Variants in FOXP2 observed in about 807,000 individuals in gnomAD.
The protein encoded by FOXP2 is forkhead box protein P2.
Under a neutral mutation model 115.8 loss-of-function variants are expected in FOXP2, and 12 were observed. The observed-to-expected ratio is 0.10, with a 90% CI of 0.07 to 0.17. The LOEUF (loss-of-function observed/expected upper bound fraction) is 0.17. Ranked by LOEUF, FOXP2 falls within the 10% of genes least tolerant of loss-of-function variation. The pLI is 1.00. For missense variants in FOXP2, 629 were observed against 843.5 expected, an observed-to-expected ratio of 0.75 and a Z score of 3.15; for synonymous variants, 328 against 297.7, an observed-to-expected ratio of 1.10 and a Z score of -1.05.
At chr7:114,088,691 G>A (rs1414246565) in intron 1 of FOXP2, among the ~76,000 whole-genome samples, 1 of 152,198 alleles carries the variant, frequency 6.6e-6, no homozygotes, top group Admixed American at 6.5e-5. Flanking sequence ...TTGCATTGTG[G>A]CATACCTTGG....
intron 2 of FOXP2, among the ~76,000 whole-genome samples, chr7:114,510,527 A>G (rs989858550): frequency 2.0e-5 from 3 of 152,194 alleles, no homozygotes; most frequent in Admixed American, 2.0e-4. Flanking sequence ...GTAACTTACA[A>G]GGTTGATTTT....
At chr7:114,273,827 A>G (rs1225508492) in intron 1 of FOXP2, among the ~76,000 whole-genome samples, 1 of 152,002 alleles carries the variant, frequency 6.6e-6, no homozygotes, top group Non-Finnish European at 1.5e-5. Flanking sequence ...ATGTGTCTTT[A>G]TATTTATTTA....
intron 3 of FOXP2, among the ~76,000 whole-genome samples, chr7:114,601,257 C>T (rs768066253): frequency 5.3e-5 from 8 of 152,124 alleles, no homozygotes; most frequent in Non-Finnish European, 1.2e-4. Context: ...TGAGCCACCA[C>T]ACTTGGCCTC....
chr7:114,192,761 A>G (rs1793794806), intron 1 of FOXP2, among the ~76,000 whole-genome samples: 1 of 152,204 alleles, frequency 6.6e-6, no homozygotes, highest in South Asian at 2.1e-4. Flanking sequence ...TGGCCCTAAC[A>G]TTTATAGAAG....
chr7:114,156,778 A>C (rs772965354), intron 1 of FOXP2, among the ~76,000 whole-genome samples: 2 of 152,118 alleles, frequency 1.3e-5, no homozygotes, highest in Non-Finnish European at 2.9e-5. Flanking sequence ...TACTTTTCAT[A>C]TTGTATGTAG....
At chr7:114,675,557 T>G (rs945517849) in intron 16 of FOXP2, among the ~76,000 whole-genome samples, 1 of 152,164 alleles carries the variant, frequency 6.6e-6, no homozygotes, top group Non-Finnish European at 1.5e-5. Context: ...GAATGAAAAT[T>G]TATTCAATCA....
intron 3 of FOXP2, among the ~76,000 whole-genome samples, chr7:114,554,749 T>A (rs1292371158): frequency 6.6e-6 from 1 of 152,206 alleles, no homozygotes; most frequent in African/African-American, 2.4e-5. Context: ...AGAAATTGCA[T>A]TACATTTATT....
At chr7:114,214,771 G>A (rs1031989995) in intron 1 of FOXP2, among the ~76,000 whole-genome samples, 2 of 151,980 alleles carry the variant, frequency 1.3e-5, no homozygotes, top group African/African-American at 4.8e-5. Flanking sequence ...CATAACTCTG[G>A]GCTCAGTATG....
At chr7:114,382,049 C>T (rs1792318190) in intron 2 of FOXP2, among the ~76,000 whole-genome samples, 1 of 152,116 alleles carries the variant, frequency 6.6e-6, no homozygotes, top group East Asian at 1.9e-4. Flanking sequence ...AATGTCTCTC[C>T]CTAACAAGAG....
chr7:114,166,581 T>C (rs1792988976), intron 1 of FOXP2, among the ~76,000 whole-genome samples: 1 of 152,276 alleles, frequency 6.6e-6, no homozygotes, highest in South Asian at 2.1e-4. Context: ...GGCATGTGCC[T>C]GTAGCCCCAG....
chr7:114,323,423 A>G (rs191710359), intron 2 of FOXP2, among the ~76,000 whole-genome samples: 129 of 152,152 alleles, frequency 8.5e-4, no homozygotes, highest in Middle Eastern at 3.4e-3. Flanking sequence ...TTTAATATCT[A>G]TTATTTTAAA....
At chr7:114,321,556 G>A (rs6977905) in intron 2 of FOXP2, among the ~76,000 whole-genome samples, 2,672 of 152,086 alleles carry the variant, frequency 0.018, 89 homozygotes, top group African/African-American at 0.06. Flanking sequence ...TACTTTACCA[G>A]GAAATCTGCT....
chr7:114,617,749 T>C (rs1804027976), intron 3 of FOXP2, among the ~76,000 whole-genome samples: 2 of 152,172 alleles, frequency 1.3e-5, no homozygotes, highest in African/African-American at 4.8e-5. Context: ...GCTGAGATCG[T>C]GCCCTTGCAC....
At chr7:114,227,685 A>G (rs151221564) in intron 1 of FOXP2, among the ~76,000 whole-genome samples, 138 of 151,996 alleles carry the variant, frequency 9.1e-4, no homozygotes, top group Non-Finnish European at 1.5e-3. Context: ...TTTCTACCCT[A>G]TTTCAAAAAA....
chr7:114,686,390 C>A (rs891174800), intron 16 of FOXP2, among the ~76,000 whole-genome samples: 1 of 152,158 alleles, frequency 6.6e-6, no homozygotes, highest in Admixed American at 6.5e-5. Context: ...CCAGACTGGT[C>A]TTGAACCCCT....
intron 2 of FOXP2, among the ~76,000 whole-genome samples, chr7:114,404,560 T>C (rs1792985474): frequency 6.6e-6 from 1 of 152,034 alleles, no homozygotes; most frequent in Admixed American, 6.6e-5. Context: ...AGCATATAAA[T>C]TGCCTCAGTG....
At chr7:114,476,907 A>G (rs1014750756) in intron 2 of FOXP2, among the ~76,000 whole-genome samples, 3 of 152,006 alleles carry the variant, frequency 2.0e-5, no homozygotes, top group Admixed American at 1.3e-4. Flanking sequence ...AAAAGTGCTC[A>G]GCATCACTAA....
chr7:114,161,536 AG>A (rs1048976107), upstream of FOXP2, among the ~76,000 whole-genome samples: 1 of 36,498 alleles, frequency 2.7e-5, no homozygotes, highest in African/African-American at 8.9e-5. Flanking sequence ...TTCTCACAAT[AG>A]TTTTTTTTTT....
At chr7:114,684,470 G>T (rs575431234) in intron 16 of FOXP2, among the ~76,000 whole-genome samples, 2 of 152,138 alleles carry the variant, frequency 1.3e-5, no homozygotes, top group Non-Finnish European at 2.9e-5. Flanking sequence ...GAAGGCAGTC[G>T]CCTAGACCAC....
Sources: gnomAD v4.1 joint callset for allele counts (sites outside exome capture counted in the v4.1 genomes callset) on GRCh38, gnomAD v4.1.1 for gene constraint, MANE v1.5 for transcripts, NCBI Gene and HGNC (gene_info 2026-07-23, HGNC 2026-07-21) for gene names.